Variants in COL11A2 observed in about 807,000 individuals in gnomAD.
COL11A2 encodes the protein collagen type XI alpha 2 chain.
Under a neutral mutation model 273.4 loss-of-function variants are expected in COL11A2, and 116 were observed. The ratio of observed to expected loss-of-function variants is 0.42; its 90% CI spans 0.36 to 0.49. COL11A2 has a LOEUF of 0.49. Among genes scored for constraint, COL11A2 ranks in the 20% least tolerant of loss-of-function variants. COL11A2 has a pLI of 0.00. For missense variants in COL11A2, 1,866 were observed against 2,309.0 expected (o/e 0.81, Z 3.93); for synonymous variants, 782 against 864.2 (o/e 0.90, Z 1.67).
chr6:33,175,667 G>A lies in COL11A2; in HGVS notation c.2283C>T (p.Val761=). 1 of 1,613,004 alleles carries A rather than the reference G, an allele frequency of 6.2e-7. No homozygotes were observed. ...GVKGDRGEVG[V]PGSRGEDGPE... ...GACCATCCTCTCCCCTGGAACCAGG[G>A]ACTCCAACTTCGCCCTGTGTGAGAG... Residue 761 remains valine (V), a synonymous_variant, in exon 30 of 66, where the codon GTC becomes GTT. Coordinates refer to ENST00000341947, the MANE Select transcript of COL11A2 (RefSeq NM_080680.3).
chr6:33,184,446 A>AT (rs1271125151), intron 7 of COL11A2, 122 bp from the exon 8 acceptor site: 3 of 663,988 alleles, frequency 4.5e-6, no homozygotes, highest in East Asian at 1.3e-4. Flanking sequence ...TCAGAACTGG[A>AT]TTTTTTCTCC....
chr6:33,171,230 T>G lies in COL11A2; in HGVS notation c.3312+41A>C, dbSNP rs774900099. On this transcript the variant is annotated intron_variant, in intron 44 of 65. Transcript: ENST00000341947. Reference sequence around the variant, plus strand: ...GAGAGAGATCAGGTGGGACTGAGGTTAAAGGCCAGGAGGTCAGAAGTCAAG... The same window carrying G: ...GAGAGAGATCAGGTGGGACTGAGGTGAAAGGCCAGGAGGTCAGAAGTCAAG... 26 of 1,613,902 alleles carry G rather than the reference T, an allele frequency of 1.6e-5. No individual in the cohort carries two copies. In the East Asian group the frequency reaches 5.8e-4, roughly 36 times the overall value.
chr6:33,171,412 G>A (rs1770040953), intron 43 of COL11A2, 55 bp downstream of exon 43: 9 of 1,608,612 alleles, frequency 5.6e-6, no homozygotes, highest in Non-Finnish European at 7.7e-6. Flanking sequence ...GTCATGCCCA[G>A]GTCAGCCATC....
chr6:33,186,475 T>C, intron 5 of COL11A2, 152 bp downstream of exon 5: 1 of 1,475,218 alleles, frequency 6.8e-7, no homozygotes, highest in South Asian at 1.4e-5. Context: ...TATTTTTAGA[T>C]GAAAATAAAA....
At position 33,172,304 on chromosome 6, in the gene COL11A2, G is replaced by A. The variant is rs2150550808; in HGVS notation, c.2973C>T (p.Gly991=). 21 of 1,586,038 alleles carry A rather than the reference G, an allele frequency of 1.3e-5. No homozygotes were observed. The highest frequency in any genetic ancestry group is 1.8e-5 in the Non-Finnish European group (21 of 1,166,756). Residue 991 remains glycine (G), a synonymous_variant, in exon 40 of 66, where the codon GGC becomes GGT. Coordinates refer to ENST00000341947, the MANE Select transcript of COL11A2 (RefSeq NM_080680.3). ...AGLRGFPGER[G]LPGTAGGPGL... is the part of the protein sequence containing the mutation. ...TCACACTCACAGCAGTGCCTGGGAG[G>A]CCTCTCTCTCCTGGGAATCCCCTCA...
Position 33,169,302 on chromosome 6 carries a change from C to T in COL11A2, c.3798+81G>A, listed in dbSNP as rs1299232550. 12 of 1,315,024 alleles carry T rather than the reference C, an allele frequency of 9.1e-6. No homozygotes were observed. Among genetic ancestry groups the T allele is most frequent in the Non-Finnish European group, 1.3e-5 (12 of 928,954 alleles). 81.5% of individuals were successfully genotyped at this position (1,315,024 alleles called of 1,614,324 possible). On this transcript the variant is annotated intron_variant, in intron 51 of 65. Coordinates refer to ENST00000341947, the MANE Select transcript of COL11A2 (RefSeq NM_080680.3). This position sits in a 1 kb window ranked among gnomAD's most constrained non-coding sequence, Gnocchi z 5.5. ...TCCCGGGCTCCCCACACTCCAAGAT[C>T]CTCCCTCACACACACCCATATTCCC...
chr6:33,166,649 C>T lies in COL11A2; in HGVS notation c.4338+71G>A, dbSNP rs747979390. 15 of 1,609,238 alleles carry T rather than the reference C, an allele frequency of 9.3e-6. No homozygotes were observed. The highest frequency in any genetic ancestry group is 1.3e-5 in the Non-Finnish European group (15 of 1,176,822). Reference sequence around the variant, plus strand: ...TGCTCGCTTACCCACAGCTGAGTCCCAACTCCAACTCCACCCCTCTCCACC... The same window carrying T: ...TGCTCGCTTACCCACAGCTGAGTCCTAACTCCAACTCCACCCCTCTCCACC... On this transcript the variant is annotated intron_variant, in intron 59 of 65. Coordinates refer to ENST00000341947, the MANE Select transcript of COL11A2 (RefSeq NM_080680.3). This position sits in a 1 kb window ranked among gnomAD's most constrained non-coding sequence, Gnocchi z 4.8.
intron 5 of COL11A2, 70 bp downstream of exon 5, chr6:33,186,554 AAGG>A (rs2150611983): frequency 6.2e-7 from 1 of 1,612,602 alleles, no homozygotes; most frequent in East Asian, 2.2e-5. Flanking sequence ...GAGGACAACT[AAGG>A]AGGAGAGATG....
chr6:33,175,584 A>T lies in COL11A2; in HGVS notation c.2366T>A (p.Met789Lys). The T allele has an allele frequency of 3.1e-6, 5 of 1,612,722 alleles. No homozygotes were observed. The highest frequency in any genetic ancestry group is 4.2e-6 in the Non-Finnish European group (5 of 1,179,906). The change falls in exon 30 of 66, where the codon ATG becomes AAG. Residue 789 changes from methionine to lysine, a missense_variant. Met to Lys is a moderately conservative substitution (Grantham distance 95). Transcript: ENST00000341947. ...CCCTCATCCCATCACCTTCTCGCCC[A>T]TGAGCCCTGGGGGCCCAGGGTCTCC... Reference protein sequence around the residue: ...PTGDPGPPGLMGEKGKLGVPG... With the variant: ...PTGDPGPPGLKGEKGKLGVPG...
In COL11A2 at chr6:33,172,368, C is replaced by G; in HGVS notation, c.2909G>C (p.Gly970Ala). ...AGKEGTKGDP[G>A]PPGAPGKDGP... The stretch of plus-strand genomic sequence containing the variant: ...ATCCTTCCCTGGGGCCCCAGGGGGA[C>G]CAGGGTCACCCTAAAAGGAAAGGAG... The change falls in exon 40 of 66, where the codon GGT becomes GCT. Residue 970 changes from glycine (G) to alanine (A), a missense_variant. Physicochemically the swap from Gly to Ala is moderately conservative, Grantham distance 60 (BLOSUM62 0). Coordinates refer to ENST00000341947, the MANE Select transcript of COL11A2 (RefSeq NM_080680.3). 6.3e-7 allele frequency: 1 copy of G among 1,586,546 alleles called. No individual in the cohort carries two copies. Among genetic ancestry groups the G allele is most frequent in the Non-Finnish European group, 8.6e-7 (1 of 1,167,010 alleles).
rs1423057237 is a variant in COL11A2 at position 33,179,857 on chromosome 6, C to T, written c.1360-52G>A. 2 of 1,547,084 alleles carry T rather than the reference C, an allele frequency of 1.3e-6. No homozygotes were observed. Among genetic ancestry groups the T allele is most frequent in the Non-Finnish European group, 1.8e-6 (2 of 1,129,166 alleles). ...TTCTCTTCCAAGAAAGCCATGGGACCCTCCCAGCCAGAGGCTTTCTCCAGC... is the reference window on the plus strand; with the variant it reads ...TTCTCTTCCAAGAAAGCCATGGGACTCTCCCAGCCAGAGGCTTTCTCCAGC... On this transcript the variant is annotated intron_variant, in intron 12 of 65. Coordinates refer to ENST00000341947, the MANE Select transcript of COL11A2 (RefSeq NM_080680.3). The surrounding 1 kb of genome is among the most constrained non-coding windows in gnomAD (Gnocchi z 6.4).
Position 33,176,647 on chromosome 6 carries a change from G to A in COL11A2, c.2115+74C>T. 2 of 1,480,308 alleles carry A rather than the reference G, an allele frequency of 1.4e-6. No individual in the cohort carries two copies. The highest frequency in any genetic ancestry group is 1.9e-6 in the Non-Finnish European group (2 of 1,067,790). The allele number at this position is 1,480,308 out of a possible 1,614,324, so 91.7% of individuals were successfully genotyped here. On this transcript the variant is annotated intron_variant, in intron 26 of 65. Coordinates refer to ENST00000341947, the MANE Select transcript of COL11A2 (RefSeq NM_080680.3). This position sits in a 1 kb window ranked among gnomAD's most constrained non-coding sequence, Gnocchi z 4.9. ...GAGCCATATGAATAATGAGACAAGG[G>A]AATCCCAAGGACTTTGAGGCTCTAG...
Position 33,166,195 on chromosome 6 carries a change from G to C in COL11A2, c.4404C>G (p.Gly1468=). Residue 1468 remains glycine (G), a synonymous_variant, in exon 61 of 66, where the codon GGC becomes GGG. Transcript: ENST00000341947. The surrounding 1 kb of genome is among the most constrained non-coding windows in gnomAD (Gnocchi z 4.8). ...GGPPGLPGPA[G]PKGAKGATGP... Reference sequence around the variant, plus strand: ...CTGTGGCTCCTTTGGCTCCTTTGGGGCCAGCAGGTCCCTGTGAAATGAGGA... The same window carrying C: ...CTGTGGCTCCTTTGGCTCCTTTGGGCCCAGCAGGTCCCTGTGAAATGAGGA... 6.2e-7 allele frequency: 1 copy of C among 1,603,080 alleles called. No homozygotes were observed.
At position 33,178,496 on chromosome 6, in the gene COL11A2, A is replaced by G. The variant is rs1157161463; in HGVS notation, c.1720-8T>C. 2 of 1,612,862 alleles carry G rather than the reference A, an allele frequency of 1.2e-6. No individual in the cohort carries two copies. The highest frequency in any genetic ancestry group is 2.2e-5 in the South Asian group (2 of 91,076). The stretch of plus-strand genomic sequence containing the variant: ...CTGGGCACCAGTATCACCCTGCAAA[A>G]TGGGGGAACTCATAAGAGGGGCTTC... On this transcript the variant is annotated splice_region_variant and splice_polypyrimidine_tract_variant and intron_variant, in intron 18 of 65. Coordinates refer to ENST00000341947, the MANE Select transcript of COL11A2 (RefSeq NM_080680.3). The surrounding 1 kb of genome is among the most constrained non-coding windows in gnomAD (Gnocchi z 4.6).
chr6:33,184,370 C>T lies in COL11A2; in HGVS notation c.940-46G>A, dbSNP rs762596314. ...AGAGGGGTAGATGGGGATGTTAGGG[C>T]TGAGAGGAGGCTTACCCTGGACCCC... On this transcript the variant is annotated intron_variant, in intron 7 of 65. Transcript: ENST00000341947. 12 of 1,306,824 alleles carry T rather than the reference C, an allele frequency of 9.2e-6. 1 individual carries two copies. In the South Asian group the frequency reaches 1.4e-4, roughly 15 times the overall value. The allele number at this position is 1,306,824 out of a possible 1,614,324, so 81.0% of individuals were successfully genotyped here. A position where few individuals can be genotyped will look rare whatever the true frequency, so the allele number is the denominator to read the frequency against.
Position 33,177,876 on chromosome 6 carries a change from C to A in COL11A2, c.1873-170G>T. ...GTGTGTGGGACTGTGGATCTGTGGG[C>A]TTGTGGGCTTTGGTTTTGTTTTTCT... On this transcript the variant is annotated intron_variant, in intron 21 of 65. Coordinates refer to ENST00000341947, the MANE Select transcript of COL11A2 (RefSeq NM_080680.3). This position sits in a 1 kb window ranked among gnomAD's most constrained non-coding sequence, Gnocchi z 5.9. 1 of 819,340 alleles carries A rather than the reference C, an allele frequency of 1.2e-6. No homozygotes were observed. Among genetic ancestry groups the A allele is most frequent in the South Asian group, 1.5e-5 (1 of 64,726 alleles). 50.8% of individuals were successfully genotyped at this position (819,340 alleles called of 1,614,324 possible).
Position 33,166,966 on chromosome 6 carries a change from G to C in COL11A2, c.4230+104C>G. ...ACTGAGCAGGGACTCCCTGGGACTG[G>C]CTGCCGGAGGCCTGAAGCAGAGCAG... On this transcript the variant is annotated intron_variant, in intron 58 of 65. Transcript: ENST00000341947. The surrounding 1 kb of genome is among the most constrained non-coding windows in gnomAD (Gnocchi z 4.8). The C allele has an allele frequency of 1.9e-6, 3 of 1,549,118 alleles. No individual in the cohort carries two copies. Among genetic ancestry groups the C allele is most frequent in the Non-Finnish European group, 2.6e-6 (3 of 1,132,080 alleles).
rs1438986200 is a variant in COL11A2 at position 33,189,023 on chromosome 6, G to A, written c.398C>T (p.Pro133Leu). The A allele has an allele frequency of 1.9e-6, 3 of 1,614,086 alleles. No homozygotes were observed. Among genetic ancestry groups the A allele is most frequent in the Non-Finnish European group, 2.5e-6 (3 of 1,180,040 alleles). ...GCCTCGGAAGACTGGCTGAGAGGGA[G>A]GTTGAGGCCGCCCAGTCTGGTCTTC... ...LYEDQTGRPQ[P>L]PSQPVFRGLS... Residue 133 changes from proline to leucine, a missense_variant, in exon 3 of 66, where the codon CCT becomes CTT. Coordinates refer to ENST00000341947, the MANE Select transcript of COL11A2 (RefSeq NM_080680.3). The surrounding 1 kb of genome is among the most constrained non-coding windows in gnomAD (Gnocchi z 5.6).
In COL11A2 at chr6:33,171,092, TG is replaced by T. The variant is rs764291451; in HGVS notation, c.3366+21del. The T allele has an allele frequency of 2.8e-5, 44 of 1,573,258 alleles. No individual in the cohort carries two copies. Among genetic ancestry groups the T allele is most frequent in the Admixed American group, 3.8e-5 (2 of 52,736 alleles). ...GGACCAGAGGCTGCTGGGCCTTCGG[TG>T]GGGGTGGAGGGGTCACTCACCGCTG... On this transcript the variant is annotated intron_variant, in intron 45 of 65. Coordinates refer to ENST00000341947, the MANE Select transcript of COL11A2 (RefSeq NM_080680.3).
Sources: allele counts gnomAD v4.1 joint callset, GRCh38; gene constraint gnomAD v4.1.1; non-coding constraint Gnocchi (gnomAD v3.1); transcripts MANE v1.5; gene names NCBI Gene and HGNC (gene_info 2026-07-23, HGNC 2026-07-21).